The following MTCL1 variants were observed in gnomAD, a reference collection of about 807,000 sequenced individuals.
The protein encoded by MTCL1 is microtubule cross-linking factor 1.
In MTCL1, 79 loss-of-function variants were observed where a neutral mutation model predicts 141.4. The observed-to-expected ratio is 0.56, with a 90% CI of 0.47 to 0.67. The LOEUF (loss-of-function observed/expected upper bound fraction) is 0.67, where lower values mean the gene tolerates loss of function less well. MTCL1 is among the 30% of genes least tolerant of loss of function. The pLI is 0.00. For synonymous variants in MTCL1, 914 were observed against 875.8 expected (o/e 1.04, Z -0.77); for missense variants, 2,177 against 2,113.9 (o/e 1.03, Z -0.59).
At chr18:8,756,561 A>C (rs2096402891) in intron 4 of MTCL1, among the ~76,000 whole-genome samples, 1 of 151,990 alleles carries the variant, frequency 6.6e-6, no homozygotes, top group Non-Finnish European at 1.5e-5. Context: ...ATGTATATAT[A>C]TCTCAAAGGC....
In MTCL1 at chr18:8,828,517, A is replaced by G. The variant is rs571494235; in HGVS notation, c.4723-391A>G. ...TTGTGACCGAAACAAACGCAGCCGT[A>G]TAATAGTCTCTGTTTTAGATACCAG... On this transcript the variant is annotated intron_variant, in intron 15 of 16. Coordinates refer to ENST00000359865, the Ensembl canonical transcript of MTCL1. The surrounding 1 kb of genome is among the most constrained non-coding windows in gnomAD (Gnocchi z 5.2). Among the ~76,000 whole-genome samples, 66 of 152,364 alleles carry G rather than the reference A, an allele frequency of 4.3e-4. No individual in the cohort carries two copies. The highest frequency in any genetic ancestry group is 2.3e-3 in the Admixed American group (35 of 15,306).
chr18:8,799,133 CT>C (rs1413233155), intron 10 of MTCL1, among the ~76,000 whole-genome samples: 1 of 152,202 alleles, frequency 6.6e-6, no homozygotes, highest in Non-Finnish European at 1.5e-5. Context: ...ATGGGCGCGG[CT>C]CTAGCCTCTC....
At chr18:8,786,146 G>C in intron 7 of MTCL1, 55 bp downstream of exon 6, 1 of 1,466,172 alleles carries the variant, frequency 6.8e-7, no homozygotes, top group Non-Finnish European at 9.1e-7. Context: ...TTTTCTGTGT[G>C]GCTGGCTGTG....
intron 4 of MTCL1, among the ~76,000 whole-genome samples, chr18:8,747,838 T>G (rs986283388): frequency 2.6e-5 from 4 of 152,130 alleles, no homozygotes; most frequent in Non-Finnish European, 5.9e-5. Flanking sequence ...TGTTAATAAT[T>G]ATCTGCATTG....
At chr18:8,802,032 A>G (rs2076140201) in intron 10 of MTCL1, 2 of 152,200 alleles carry the variant, frequency 1.3e-5, no homozygotes, top group South Asian at 2.1e-4. Flanking sequence ...ACTTTTCTGG[A>G]TGTAACAATG....
At chr18:8,794,795 C>A (rs140127429) in intron 8 of MTCL1, among the ~76,000 whole-genome samples, 175 of 152,280 alleles carry the variant, frequency 1.1e-3, no homozygotes, top group African/African-American at 3.9e-3. Flanking sequence ...GACTAAGAGA[C>A]CAGAGACCAG....
At chr18:8,829,406 TTTTG>T in intron 16 of MTCL1, 1 of 984,990 alleles carries the variant, frequency 1.0e-6, no homozygotes, top group Non-Finnish European at 1.2e-6. Flanking sequence ...GTGATAAGGC[TTTTG>T]TTTTTCATTT....
intron 4 of MTCL1, among the ~76,000 whole-genome samples, chr18:8,775,039 T>C (rs2096500574): frequency 1.3e-5 from 2 of 152,278 alleles, no homozygotes; most frequent in South Asian, 4.1e-4. Flanking sequence ...CAGCCTCATT[T>C]GCAGCAGCCC....
intron 12 of MTCL1, among the ~76,000 whole-genome samples, chr18:8,818,248 T>A (rs1385364017): frequency 6.6e-6 from 1 of 152,000 alleles, no homozygotes; most frequent in Non-Finnish European, 1.5e-5. Context: ...TGGTTCCAAC[T>A]CAGGTCTTCT....
At chr18:8,774,890 C>T (rs777402601) in intron 4 of MTCL1, among the ~76,000 whole-genome samples, 1 of 152,086 alleles carries the variant, frequency 6.6e-6, no homozygotes, top group East Asian at 1.9e-4. Flanking sequence ...GACTCCCTGC[C>T]TGTTCTGTGA....
At chr18:8,832,573 GTCT>G (rs1458730619) in exon 17 of MTCL1, 2 of 152,058 alleles carry the variant, frequency 1.3e-5, no homozygotes, top group African/African-American at 2.4e-5. Context: ...TTTATTGTTG[GTCT>G]TCTTGCATCG....
chr18:8,832,512 T>C (rs2077215196), exon 17 of MTCL1: 1 of 152,484 alleles, frequency 6.6e-6, no homozygotes, highest in South Asian at 2.1e-4. Flanking sequence ...CACCTAAATG[T>C]GACTCAGTCT....
At chr18:8,829,133 A>G (rs2077118928) in intron 16 of MTCL1, 3 of 985,496 alleles carry the variant, frequency 3.0e-6, no homozygotes, top group Non-Finnish European at 3.6e-6. Flanking sequence ...TGATAAGGCC[A>G]GAGACTCATC....
intron 11 of MTCL1, 40 bp from the exon 11 acceptor site, chr18:8,812,939 T>A: frequency 6.3e-7 from 1 of 1,581,232 alleles, no homozygotes; most frequent in Non-Finnish European, 8.6e-7. Flanking sequence ...AATGCAAGAC[T>A]TGTCAGAGAG....
At chr18:8,724,601 T>A (rs2096195388) in intron 4 of MTCL1, among the ~76,000 whole-genome samples, 5 of 152,152 alleles carry the variant, frequency 3.3e-5, no homozygotes. Context: ...GTCACTCTGC[T>A]TAAACAGGCA....
intron 4 of MTCL1, among the ~76,000 whole-genome samples, chr18:8,756,475 GTA>G (rs1384307808): frequency 1.4e-5 from 2 of 147,670 alleles, no homozygotes; most frequent in African/African-American, 5.2e-5. Context: ...GTATATGTGT[GTA>G]TATGTGTGTA....
intron 4 of MTCL1, among the ~76,000 whole-genome samples, chr18:8,728,051 C>T (rs1006506115): frequency 6.6e-6 from 1 of 152,176 alleles, no homozygotes; most frequent in African/African-American, 2.4e-5. Context: ...TAGCTGTATT[C>T]TCCTCCTGAA....
chr18:8,812,903 G>T, intron 11 of MTCL1, 76 bp from the exon 11 acceptor site: 1 of 1,531,526 alleles, frequency 6.5e-7, no homozygotes, highest in Non-Finnish European at 8.8e-7. Context: ...GGGATCACAT[G>T]TAAATGTGCT....
exon 12 of MTCL1, chr18:8,813,161 T>G: frequency 6.2e-7 from 1 of 1,613,884 alleles, no homozygotes; most frequent in East Asian, 2.2e-5. Flanking sequence ...AGGTGGAACT[T>G]CTCGACCGCC....
Sources: allele counts gnomAD v4.1 joint callset (sites outside exome capture counted in the v4.1 genomes callset), GRCh38; gene constraint gnomAD v4.1.1; non-coding constraint Gnocchi (gnomAD v3.1); transcripts MANE v1.5; gene names NCBI Gene and HGNC (gene_info 2026-07-23, HGNC 2026-07-21).